The following CCNK variants were observed in gnomAD, a reference collection of about 807,000 sequenced individuals.
CCNK encodes cyclin K, also known as cyclin-K.
A neutral mutation model predicts 65.0 loss-of-function variants in CCNK; 9 were observed. The observed-to-expected ratio is 0.14, with a 90% CI of 0.08 to 0.24. CCNK has a LOEUF of 0.24. Ranked by LOEUF, CCNK falls within the 10% of genes least tolerant of loss-of-function variation. The probability of loss-of-function intolerance (pLI) is 1.00; values close to 1 mark genes in which losing one functional copy is unlikely to be tolerated. For missense variants in CCNK, 474 were observed against 720.0 expected, an observed-to-expected ratio of 0.66 and a Z score of 3.91; for synonymous variants, 279 against 270.8, an observed-to-expected ratio of 1.03 and a Z score of -0.30.
chr14:99,509,561 A>G (rs1897067005), intron 10 of CCNK: 1 of 158,866 alleles, frequency 6.3e-6, no homozygotes, highest in South Asian at 1.8e-4. Context: ...ACACGCACAC[A>G]CATGCACACA....
At position 99,493,945 on chromosome 14, in the gene CCNK, G is replaced by A. The variant is rs2069489; in HGVS notation, c.279+350G>A. On this transcript the variant is annotated intron_variant, in intron 3 of 10. Transcript: ENST00000389879. ...GTCTATGCCATATCACTCATTCTTC[G>A]GTTACTCCTCAAGACGTGCATTGTG... The A allele has an allele frequency of 8.2e-3, 1,472 of 180,106 alleles. 20 individuals carry two copies. Among genetic ancestry groups the A allele is most frequent in the African/African-American group, 0.032 (1,372 of 42,516 alleles). 11.2% of individuals were successfully genotyped at this position (180,106 alleles called of 1,614,324 possible). A position where few individuals can be genotyped will look rare whatever the true frequency, so the allele number is the denominator to read the frequency against.
intron 1 of CCNK, among the ~76,000 whole-genome samples, chr14:99,483,359 G>A (rs1896403029): frequency 6.6e-6 from 1 of 151,910 alleles, no homozygotes; most frequent in Admixed American, 6.5e-5. Flanking sequence ...GACCATCCTG[G>A]GCAACATAGT....
At chr14:99,489,793 A>G (rs2139853809) in intron 1 of CCNK, among the ~76,000 whole-genome samples, 1 of 152,382 alleles carries the variant, frequency 6.6e-6, no homozygotes, top group South Asian at 2.1e-4. Context: ...CTGAAAGAGC[A>G]CCTAATGGCC....
At chr14:99,503,428 G>A in intron 8 of CCNK, 183 bp from the exon 9 acceptor site, 1 of 610,706 alleles carries the variant, frequency 1.6e-6, no homozygotes, top group Middle Eastern at 3.5e-4. Context: ...AAGAGGAAGG[G>A]AGCAGAAATG....
chr14:99,502,304 T>C lies in CCNK; in HGVS notation c.673T>C (p.Trp225Arg). Reference sequence around the variant, plus strand: ...TTTGTGCAAATTTGAAATACAAGAATGGACCTCCAAACCCATGTATAGGAG... The same window carrying C: ...TTTGTGCAAATTTGAAATACAAGAACGGACCTCCAAACCCATGTATAGGAG... The part of the protein sequence containing the change: ...GRLCKFEIQE[W>R]TSKPMYRRWW... The change falls in exon 7 of 11, where the codon TGG (tryptophan) becomes CGG (arginine). Residue 225 changes from tryptophan to arginine, a missense_variant. Around this residue, in one of 6 missense-constraint regions of CCNK, gnomAD observed 67 missense variants for 150.2 expected, o/e 0.45. Coordinates refer to ENST00000389879, the MANE Select transcript of CCNK (RefSeq NM_001099402.2). 2 of 1,613,312 alleles carry C rather than the reference T, an allele frequency of 1.2e-6. No homozygotes were observed. Among genetic ancestry groups the C allele is most frequent in the Non-Finnish European group, 8.5e-7 (1 of 1,179,668 alleles).
At chr14:99,483,529 G>A (rs866933302) in intron 1 of CCNK, among the ~76,000 whole-genome samples, 6 of 152,174 alleles carry the variant, frequency 3.9e-5, no homozygotes, top group African/African-American at 1.2e-4. Context: ...CAGCCTGGGC[G>A]ACAAAGCAAG....
At chr14:99,490,197 G>C (rs570081683) in intron 1 of CCNK, among the ~76,000 whole-genome samples, 109 of 152,250 alleles carry the variant, frequency 7.2e-4, no homozygotes, top group Middle Eastern at 3.4e-3. Flanking sequence ...AGTGTGGGCT[G>C]GACCTCGTGA....
At chr14:99,504,274 C>T (rs1896916749) in intron 9 of CCNK, 1 of 154,440 alleles carries the variant, frequency 6.5e-6, no homozygotes, top group African/African-American at 2.4e-5. Flanking sequence ...ACCCTATTGA[C>T]TCATTTGTCT....
At chr14:99,483,366 T>C (rs1478798416) in intron 1 of CCNK, among the ~76,000 whole-genome samples, 1 of 151,696 alleles carries the variant, frequency 6.6e-6, no homozygotes, top group African/African-American at 2.4e-5. Flanking sequence ...CTGGGCAACA[T>C]AGTGAGACCT....
chr14:99,498,234 C>G lies in CCNK; in HGVS notation c.412-2532C>G, dbSNP rs1896742715. Among the ~76,000 whole-genome samples, 5 of 152,126 alleles carry G rather than the reference C, an allele frequency of 3.3e-5. No individual in the cohort carries two copies. In the South Asian group the frequency reaches 1.0e-3, roughly 31 times the overall value. On this transcript the variant is annotated intron_variant, in intron 4 of 10. Coordinates refer to ENST00000389879, the MANE Select transcript of CCNK (RefSeq NM_001099402.2). ...GTACCATGAAGTCAGGAAACCAAGC[C>G]CCAGTCCAGGAACAGTGAAAGTAGA... is the stretch of plus-strand genomic sequence containing the variant.
chr14:99,489,136 TA>T (rs200510715), intron 1 of CCNK, among the ~76,000 whole-genome samples: 101 of 152,144 alleles, frequency 6.6e-4, no homozygotes, highest in African/African-American at 1.7e-3. Context: ...CATATATATA[TA>T]TTTTTTTTTA....
At chr14:99,492,342 C>T (rs1896613921) in intron 1 of CCNK, 2 of 214,666 alleles carry the variant, frequency 9.3e-6, no homozygotes, top group East Asian at 1.3e-4. Context: ...TTCGTTTCTT[C>T]CAAAACTTTG....
rs1409419857 is a variant in CCNK at position 99,500,867 on chromosome 14, C to G, written c.513C>G (p.Leu171=). Reference sequence around the variant, plus strand: ...TCCTACTAAAATATGCAAAGCAACTCAAAGGTAAGAAGAAAGTTTTCAGAA... The same window carrying G: ...TCCTACTAAAATATGCAAAGCAACTGAAAGGTAAGAAGAAAGTTTTCAGAA... ...YQFLLKYAKQ[L]KGDKNKIQKL... The change falls in exon 5 of 11, where the codon CTC becomes CTG. Residue 171 remains leucine (L), a synonymous_variant. Coordinates refer to ENST00000389879, the MANE Select transcript of CCNK (RefSeq NM_001099402.2). 2 of 1,519,024 alleles carry G rather than the reference C, an allele frequency of 1.3e-6. No homozygotes were observed. The highest frequency in any genetic ancestry group is 2.4e-5 in the East Asian group (1 of 41,400). 94.1% of individuals were successfully genotyped at this position (1,519,024 alleles called of 1,614,324 possible). A position where few individuals can be genotyped will look rare whatever the true frequency, so the allele number is the denominator to read the frequency against.
At chr14:99,487,052 A>C (rs1347277987) in intron 1 of CCNK, among the ~76,000 whole-genome samples, 1 of 152,342 alleles carries the variant, frequency 6.6e-6, no homozygotes, top group East Asian at 1.9e-4. Flanking sequence ...GAAAAAGTAC[A>C]TGGAAAACTG....
Position 99,510,451 on chromosome 14 carries a change from T to C in CCNK, c.1412T>C (p.Leu471Pro). ...LPPAYGPPAH[L>P]PYHPHVYPPN... ...CCCGCCTACGGCCCACCTGCACACC[T>C]GCCCTACCACCCCCATGTCTACCCG... The change falls in exon 11 of 11, where the codon CTG becomes CCG. Residue 471 changes from leucine (L) to proline (P), a missense_variant. Leu to Pro is a moderately conservative substitution (Grantham distance 98). Transcript: ENST00000389879. 1 of 1,503,466 alleles carries C rather than the reference T, an allele frequency of 6.7e-7. No homozygotes were observed. Among genetic ancestry groups the C allele is most frequent in the Non-Finnish European group, 8.9e-7 (1 of 1,127,434 alleles). The allele number at this position is 1,503,466 out of a possible 1,614,324, so 93.1% of individuals were successfully genotyped here.
intron 4 of CCNK, among the ~76,000 whole-genome samples, chr14:99,497,746 A>G (rs1338813983): frequency 1.3e-5 from 2 of 152,236 alleles, no homozygotes; most frequent in East Asian, 3.8e-4. Context: ...GGAGTTAACA[A>G]GGGCCCAGAA....
At chr14:99,496,459 C>T (rs551867156) in intron 4 of CCNK, among the ~76,000 whole-genome samples, 2 of 152,138 alleles carry the variant, frequency 1.3e-5, no homozygotes, top group Non-Finnish European at 2.9e-5. Context: ...GCCTGTAATC[C>T]CAGCACTTTG....
chr14:99,505,321 T>C (rs2139877517), intron 9 of CCNK: 1 of 152,316 alleles, frequency 6.6e-6, no homozygotes. Context: ...AGCTGCACTG[T>C]GCCATGCCGA....
rs908269352 is a variant in CCNK, at chr14:99,501,179, TGAG to T, written c.518-171_518-169del. On this transcript the variant is annotated intron_variant, in intron 5 of 10. Transcript: ENST00000389879. ...ATACATGGTGGTTCAGCGTAGGTCA[TGAG>T]GAGGAAGAAGGGGTAGGATGTGGAC... 1.5e-5 allele frequency: 9 copies of T among 617,828 alleles called. No homozygotes were observed. The East Asian group carries it at 1.6e-4, about 11-fold the overall frequency. The allele number at this position is 617,828 out of a possible 1,614,324, so 38.3% of individuals were successfully genotyped here. A position where few individuals can be genotyped will look rare whatever the true frequency, so the allele number is the denominator to read the frequency against.
Sources: allele counts gnomAD v4.1 joint callset (sites outside exome capture counted in the v4.1 genomes callset), GRCh38; gene constraint gnomAD v4.1.1; regional missense constraint gnomAD v4.1.1; transcripts MANE v1.5; gene names NCBI Gene and HGNC (gene_info 2026-07-23, HGNC 2026-07-21).